The following IFT80 variants were observed in gnomAD, a reference collection of about 807,000 sequenced individuals.
IFT80 encodes the protein intraflagellar transport protein 80 homolog.
In IFT80, 79 loss-of-function variants were observed where a neutral mutation model predicts 107.9. The observed-to-expected ratio is 0.73, with a 90% CI of 0.61 to 0.88. The LOEUF (loss-of-function observed/expected upper bound fraction) is 0.88, where lower values mean the gene tolerates loss of function less well. Among genes scored for constraint, IFT80 ranks in the 40% least tolerant of loss-of-function variants. The probability of loss-of-function intolerance (pLI) is 0.00; values close to 1 mark genes in which losing one functional copy is unlikely to be tolerated. For missense variants in IFT80, 797 were observed against 914.2 expected (o/e 0.87, Z 1.65); for synonymous variants, 299 against 300.9 (o/e 0.99, Z 0.07).
intron 8 of IFT80, among the ~76,000 whole-genome samples, chr3:160,334,723 C>A (rs1489148977): frequency 2.0e-5 from 3 of 152,084 alleles, no homozygotes; most frequent in African/African-American, 7.2e-5. Context: ...CTCAAATTGG[C>A]TCACTTTTAG....
At chr3:160,287,499 C>T (rs1464734974) in intron 12 of IFT80, among the ~76,000 whole-genome samples, 1 of 152,142 alleles carries the variant, frequency 6.6e-6, no homozygotes, top group Non-Finnish European at 1.5e-5. Flanking sequence ...TATCAGGTTA[C>T]TGAAACATAT....
intron 6 of IFT80, among the ~76,000 whole-genome samples, chr3:160,359,475 G>C (rs1014632367): frequency 6.6e-6 from 1 of 152,162 alleles, no homozygotes; most frequent in Non-Finnish European, 1.5e-5. Flanking sequence ...GCTCTGAAGA[G>C]AGCAGTGGTT....
intron 1 of IFT80, among the ~76,000 whole-genome samples, chr3:160,397,726 T>TC (rs1290175020): frequency 4.1e-5 from 6 of 147,934 alleles, no homozygotes; most frequent in Non-Finnish European, 9.0e-5. Flanking sequence ...CTTTTTTTTT[T>TC]TTTTTTTTTT....
chr3:160,395,747 G>C (rs1713724961), intron 1 of IFT80, among the ~76,000 whole-genome samples: 1 of 152,178 alleles, frequency 6.6e-6, no homozygotes, highest in African/African-American at 2.4e-5. Flanking sequence ...TCAAAGCAAG[G>C]AAAGAAACCA....
intron 12 of IFT80, among the ~76,000 whole-genome samples, chr3:160,295,009 C>T (rs1347266481): frequency 1.3e-5 from 2 of 152,178 alleles, no homozygotes; most frequent in African/African-American, 2.4e-5. Context: ...AGATCAGCTC[C>T]TGTAATAAAA....
intron 3 of IFT80, chr3:160,377,774 A>C (rs1712140066): frequency 1.9e-5 from 6 of 320,630 alleles, no homozygotes; most frequent in Non-Finnish European, 3.4e-5. Flanking sequence ...ATACATGTTC[A>C]TAACAGGGAA....
chr3:160,383,256 T>C (rs926956194), intron 2 of IFT80, among the ~76,000 whole-genome samples: 5 of 152,214 alleles, frequency 3.3e-5, no homozygotes, highest in Admixed American at 6.5e-5. Flanking sequence ...TTCTTTGGCT[T>C]GAAAGGTAAA....
intron 5 of IFT80, among the ~76,000 whole-genome samples, chr3:160,366,628 C>T (rs1312491276): frequency 6.6e-6 from 1 of 151,988 alleles, no homozygotes. Context: ...AGTCTTGGGG[C>T]TTGGCTGCAC....
intron 12 of IFT80, among the ~76,000 whole-genome samples, chr3:160,286,468 A>T (rs1715100199): frequency 6.6e-6 from 1 of 152,230 alleles, no homozygotes; most frequent in Admixed American, 6.5e-5. Context: ...AAGAACATAC[A>T]GTGGCCTGGA....
chr3:160,257,333 T>A lies in IFT80; in HGVS notation c.*1192A>T, dbSNP rs1449607285. On this transcript the variant is annotated 3_prime_UTR_variant, in exon 20 of 20. Coordinates refer to ENST00000326448, the MANE Select transcript of IFT80 (RefSeq NM_020800.3). ...TATATATATCATACATAATCCCATA[T>A]CTATGCATCTATACCCACCCTATAA... 2 of 152,164 alleles carry A rather than the reference T, an allele frequency of 1.3e-5. No homozygotes were observed. The highest frequency in any genetic ancestry group is 1.3e-4 in the Admixed American group (2 of 15,272). 9.4% of individuals were successfully genotyped at this position (152,164 alleles called of 1,614,324 possible). A position where few individuals can be genotyped will look rare whatever the true frequency, so the allele number is the denominator to read the frequency against.
At chr3:160,397,621 A>G (rs1397137467) in intron 1 of IFT80, among the ~76,000 whole-genome samples, 1 of 152,164 alleles carries the variant, frequency 6.6e-6, no homozygotes, top group Non-Finnish European at 1.5e-5. Flanking sequence ...CATATACCTA[A>G]AAAATGATGG....
intron 18 of IFT80, among the ~76,000 whole-genome samples, chr3:160,272,033 C>G (rs991231756): frequency 6.6e-6 from 1 of 151,772 alleles, no homozygotes; most frequent in African/African-American, 2.4e-5. Context: ...TTAAAGTACA[C>G]CACAAAGATG....
chr3:160,271,546 T>C (rs1183396438), intron 18 of IFT80, among the ~76,000 whole-genome samples: 1 of 152,134 alleles, frequency 6.6e-6, no homozygotes, highest in African/African-American at 2.4e-5. Flanking sequence ...CCAAAGTGGA[T>C]AGCAAACAGA....
intron 9 of IFT80, among the ~76,000 whole-genome samples, chr3:160,319,340 T>A (rs936511117): frequency 3.9e-5 from 6 of 152,008 alleles, no homozygotes; most frequent in South Asian, 2.1e-4. Context: ...AAATAAAATT[T>A]AAAAAAATCA....
chr3:160,372,018 G>C (rs1711558714), intron 5 of IFT80, among the ~76,000 whole-genome samples: 1 of 152,084 alleles, frequency 6.6e-6, no homozygotes, highest in South Asian at 2.1e-4. Flanking sequence ...TTTAAACTAA[G>C]TCAAATCCCC....
In IFT80 at chr3:160,311,432, C is replaced by T. The variant is rs182008965; in HGVS notation, c.958-3651G>A. Among the ~76,000 whole-genome samples, 77 of 152,222 alleles carry T rather than the reference C, an allele frequency of 5.1e-4. No homozygotes were observed. The East Asian group carries it at 0.01, about 21-fold the overall frequency. On this transcript the variant is annotated intron_variant, in intron 9 of 19. Transcript: ENST00000326448. ...ACGTTAGGAAAAGACTGGGGAAATG[C>T]GAATGTTACTATGGTAATGTTAAAA...
chr3:160,372,488 G>A (rs188730374), intron 5 of IFT80, among the ~76,000 whole-genome samples: 6 of 152,146 alleles, frequency 3.9e-5, no homozygotes, highest in Non-Finnish European at 8.8e-5. Context: ...TGATTTTTCC[G>A]GAGATGAAAA....
intron 14 of IFT80, among the ~76,000 whole-genome samples, chr3:160,282,274 T>C (rs532352927): frequency 1.3e-5 from 2 of 152,286 alleles, no homozygotes; most frequent in African/African-American, 2.4e-5. Context: ...AGTGAGACCC[T>C]GTCTCAATAA....
chr3:160,371,967 A>T (rs1711556751), intron 5 of IFT80, among the ~76,000 whole-genome samples: 1 of 152,202 alleles, frequency 6.6e-6, no homozygotes, highest in South Asian at 2.1e-4. Flanking sequence ...TTTCTCTAAT[A>T]AGGAACAATA....
Sources: gnomAD v4.1 joint callset for allele counts (sites outside exome capture counted in the v4.1 genomes callset) on GRCh38, gnomAD v4.1.1 for gene constraint, MANE v1.5 for transcripts, NCBI Gene and HGNC (gene_info 2026-07-23, HGNC 2026-07-21) for gene names.